PCSK5: variants seen among roughly 807,000 people sequenced by gnomAD.
PCSK5 encodes the protein prohormone convertase 5.
In PCSK5, 129 loss-of-function variants were observed where a neutral mutation model predicts 233.2. The observed-to-expected ratio is 0.55, with a 90% confidence interval of 0.48 to 0.64. The LOEUF (loss-of-function observed/expected upper bound fraction) is 0.64. PCSK5 is among the 30% of genes least tolerant of loss of function. The pLI is 0.00. For missense variants in PCSK5, 2,076 were observed against 2,430.1 expected (o/e 0.85, Z 3.06); for synonymous variants, 825 against 879.2 (o/e 0.94, Z 1.09).
At chr9:76,294,428 T>G (rs1828374809) in intron 25 of PCSK5, among the ~76,000 whole-genome samples, 1 of 152,202 alleles carries the variant, frequency 6.6e-6, no homozygotes, top group South Asian at 2.1e-4. Flanking sequence ...CTACTATTGT[T>G]AATAATCTGG....
intron 20 of PCSK5, among the ~76,000 whole-genome samples, chr9:76,191,968 A>G (rs1824404371): frequency 6.7e-6 from 1 of 148,486 alleles, no homozygotes; most frequent in South Asian, 2.1e-4. Context: ...AATCCCAGCT[A>G]CTTGGGTAGC....
At chr9:76,183,595 CTGAGT>C (rs1382177532) in intron 16 of PCSK5, among the ~76,000 whole-genome samples, 1 of 152,214 alleles carries the variant, frequency 6.6e-6, no homozygotes, top group Admixed American at 6.5e-5. Context: ...TCTAGGTCAT[CTGAGT>C]TAAGATTCTA....
chr9:76,040,127 C>T (rs75887642), intron 5 of PCSK5, among the ~76,000 whole-genome samples: 2,302 of 152,164 alleles, frequency 0.015, 49 homozygotes, highest in South Asian at 0.083. Flanking sequence ...TTCTTTTTTA[C>T]GTATAAGGAA....
intron 34 of PCSK5, among the ~76,000 whole-genome samples, chr9:76,336,939 TTCAATAA>T (rs1829693737): frequency 6.6e-6 from 1 of 152,022 alleles, no homozygotes; most frequent in Admixed American, 6.6e-5. Context: ...CATTTGTAGG[TTCAATAA>T]GGTGAAATAA....
At chr9:76,194,626 T>G in intron 20 of PCSK5, 1 of 360,886 alleles carries the variant, frequency 2.8e-6, no homozygotes, top group Non-Finnish European at 5.6e-6. Flanking sequence ...AAGAAATATT[T>G]TCACTGGTTT....
At chr9:75,970,116 G>A (rs914805871) in intron 2 of PCSK5, among the ~76,000 whole-genome samples, 2 of 151,902 alleles carry the variant, frequency 1.3e-5, no homozygotes, top group African/African-American at 2.4e-5. Flanking sequence ...CAGTTGATCC[G>A]CCCACCTTGG....
At chr9:76,095,845 A>G (rs764873363) in intron 7 of PCSK5, 45 bp from the exon 8 acceptor site, 23 of 1,555,020 alleles carry the variant, frequency 1.5e-5, no homozygotes, top group Non-Finnish European at 1.6e-5. Context: ...CTCTTCATTT[A>G]GAGTCATTTC....
chr9:76,153,410 G>A (rs1196576241), intron 10 of PCSK5, among the ~76,000 whole-genome samples: 4 of 152,104 alleles, frequency 2.6e-5, no homozygotes, highest in Admixed American at 6.5e-5. Flanking sequence ...TGAACTGGTC[G>A]GGATTCCTGT....
chr9:76,215,732 G>A (rs1825502632), intron 20 of PCSK5, among the ~76,000 whole-genome samples: 1 of 152,058 alleles, frequency 6.6e-6, no homozygotes, highest in Non-Finnish European at 1.5e-5. Context: ...CCTGGGGTCA[G>A]GAGTGCAAGA....
intron 28 of PCSK5, among the ~76,000 whole-genome samples, chr9:76,303,449 T>C (rs1348118732): frequency 6.6e-6 from 1 of 152,202 alleles, no homozygotes; most frequent in Admixed American, 6.5e-5. Flanking sequence ...ACATTAAAAC[T>C]TATACAAATA....
intron 20 of PCSK5, among the ~76,000 whole-genome samples, chr9:76,215,996 A>C (rs1025338579): frequency 1.3e-5 from 2 of 152,050 alleles, no homozygotes; most frequent in Non-Finnish European, 2.9e-5. Flanking sequence ...TCCAAGGGGG[A>C]GAGTTTGAAG....
chr9:76,042,194 A>G (rs1829151204), intron 5 of PCSK5, among the ~76,000 whole-genome samples: 1 of 152,264 alleles, frequency 6.6e-6, no homozygotes, highest in African/African-American at 2.4e-5. Context: ...ACACCATGAA[A>G]TGCAAAATAT....
intron 33 of PCSK5, among the ~76,000 whole-genome samples, chr9:76,328,975 A>ATTTTTTTTTTTTTTTTTTTTTTTT (rs59466685): frequency 8.1e-6 from 1 of 123,726 alleles, no homozygotes; most frequent in Non-Finnish European, 1.6e-5. Flanking sequence ...CTCCCGGCTA[A>ATTTTTTTTTTTTTTTTTTTTTTTT]TTTTTTTTTT....
In PCSK5 at chr9:75,891,486, C is replaced by T. The variant is rs1400483546; in HGVS notation, c.192+113C>T. The stretch of plus-strand genomic sequence containing the variant: ...CCAGATGTGCTCTAGCAGCTGTTGC[C>T]CTAACTCTTGGGCGATGCTCTGTCT... On this transcript the variant is annotated intron_variant, in intron 1 of 37. Coordinates refer to ENST00000674117, the MANE Select transcript of PCSK5 (RefSeq NM_001372043.1). 3.4e-6 allele frequency: 3 copies of T among 872,428 alleles called. No individual in the cohort carries two copies. In the Admixed American group the frequency reaches 9.2e-5, roughly 27 times the overall value. The allele number at this position is 872,428 out of a possible 1,614,324, so 54.0% of individuals were successfully genotyped here. A position where few individuals can be genotyped will look rare whatever the true frequency, so the allele number is the denominator to read the frequency against.
intron 24 of PCSK5, among the ~76,000 whole-genome samples, chr9:76,274,742 A>G (rs894893849): frequency 2.0e-5 from 3 of 152,144 alleles, no homozygotes; most frequent in East Asian, 1.9e-4. Flanking sequence ...ATTTTATTGT[A>G]TCTACCTGTC....
chr9:76,285,307 G>A (rs1339037169), intron 24 of PCSK5, among the ~76,000 whole-genome samples: 1 of 152,116 alleles, frequency 6.6e-6, no homozygotes, highest in African/African-American at 2.4e-5. Context: ...AAGTATCCAG[G>A]GTATGCTAAA....
intron 24 of PCSK5, among the ~76,000 whole-genome samples, chr9:76,280,463 C>T (rs778820447): frequency 6.6e-6 from 1 of 152,068 alleles, no homozygotes; most frequent in Admixed American, 6.5e-5. Context: ...AAGGTAGGGC[C>T]GGACACGGTG....
At chr9:76,084,239 ATTAT>A (rs1398413836) in intron 7 of PCSK5, among the ~76,000 whole-genome samples, 1 of 152,262 alleles carries the variant, frequency 6.6e-6, no homozygotes, top group African/African-American at 2.4e-5. Context: ...GTGGTTTCAC[ATTAT>A]TTAATTGCAC....
Position 75,890,988 on chromosome 9 carries a change from G to T in PCSK5, c.-194G>T. ...CACAGGTCCCGGCAGCCCCAGGGAT[G>T]GTCTAGGAGCCGGCGTAAGGCTCGC... On this transcript the variant is annotated 5_prime_UTR_variant, in exon 1 of 38. An upstream start codon of the reference 5' UTR is lost. Coordinates refer to ENST00000674117, the MANE Select transcript of PCSK5 (RefSeq NM_001372043.1). The T allele has an allele frequency of 2.3e-6, 1 of 434,600 alleles. No individual in the cohort carries two copies. The highest frequency in any genetic ancestry group is 4.0e-6 in the Non-Finnish European group (1 of 252,418). The allele number at this position is 434,600 out of a possible 1,614,324, so 26.9% of individuals were successfully genotyped here.
Sources: allele counts gnomAD v4.1 joint callset (sites outside exome capture counted in the v4.1 genomes callset), GRCh38; gene constraint gnomAD v4.1.1; transcripts MANE v1.5; gene names NCBI Gene and HGNC (gene_info 2026-07-23, HGNC 2026-07-21).